CDH13: variants seen among roughly 807,000 people sequenced by gnomAD.
CDH13 encodes the protein cadherin-13.
Under a neutral mutation model 63.8 loss-of-function variants are expected in CDH13, and 24 were observed. The observed-to-expected ratio is 0.38, with a 90% CI of 0.27 to 0.53. CDH13 has a LOEUF of 0.53. CDH13 is among the 20% of genes least tolerant of loss of function. The probability of loss-of-function intolerance (pLI) is 0.85; values close to 1 mark genes in which losing one functional copy is unlikely to be tolerated. For missense variants in CDH13, 1,049 were observed against 903.1 expected (o/e 1.16, Z -2.07); for synonymous variants, 503 against 355.3 (o/e 1.42, Z -4.67).
intron 4 of CDH13, among the ~76,000 whole-genome samples, chr16:83,210,221 C>T (rs527705647): frequency 2.5e-4 from 38 of 152,066 alleles, no homozygotes; most frequent in Non-Finnish European, 4.3e-4. Context: ...CCTGCCACCA[C>T]GCCTAGCTAG....
intron 5 of CDH13, among the ~76,000 whole-genome samples, chr16:83,270,224 G>T (rs1238510437): frequency 6.6e-6 from 1 of 152,090 alleles, no homozygotes; most frequent in Admixed American, 6.5e-5. Context: ...AGTATAACAC[G>T]AGTGTTTGAT....
chr16:83,522,432 C>G (rs544411208), intron 7 of CDH13, among the ~76,000 whole-genome samples: 4 of 152,070 alleles, frequency 2.6e-5, no homozygotes, highest in Non-Finnish European at 5.9e-5. Context: ...AATATGCAAC[C>G]GTGGAGTTTC....
intron 1 of CDH13, among the ~76,000 whole-genome samples, chr16:82,652,506 A>G (rs3852732): frequency 0.56 from 85,532 of 152,104 alleles, 25,757 homozygotes; most frequent in African/African-American, 0.8. Flanking sequence ...AAGTTTGCTC[A>G]GTGATATGAT....
chr16:83,306,860 A>T (rs1289037936), intron 5 of CDH13, among the ~76,000 whole-genome samples: 2 of 152,212 alleles, frequency 1.3e-5, no homozygotes, highest in African/African-American at 2.4e-5. Context: ...GAAATTACCC[A>T]GTCTCAGGTA....
intron 8 of CDH13, among the ~76,000 whole-genome samples, chr16:83,605,700 G>T (rs1027801342): frequency 6.6e-6 from 1 of 152,172 alleles, no homozygotes; most frequent in Non-Finnish European, 1.5e-5. Context: ...TGAAGAAGAA[G>T]ATTGTGATGA....
At chr16:83,266,150 C>G (rs921682705) in intron 5 of CDH13, among the ~76,000 whole-genome samples, 3 of 152,034 alleles carry the variant, frequency 2.0e-5, no homozygotes, top group Non-Finnish European at 2.9e-5. Context: ...ATTGGCCAGG[C>G]TGGTCTCAAA....
intron 6 of CDH13, among the ~76,000 whole-genome samples, chr16:83,363,383 T>C (rs1318632379): frequency 6.6e-6 from 1 of 152,222 alleles, no homozygotes; most frequent in Middle Eastern, 3.2e-3. Flanking sequence ...TGCAAGTATG[T>C]GTGTATACAT....
At chr16:83,768,394 G>C (rs1914541588) in intron 11 of CDH13, among the ~76,000 whole-genome samples, 1 of 152,142 alleles carries the variant, frequency 6.6e-6, no homozygotes, top group African/African-American at 2.4e-5. Context: ...ATCGCAATAG[G>C]TTTGTTAACC....
At chr16:83,134,572 AGAGAGAGAGAGAGAGAGAGAGT>A (rs749693038) in intron 4 of CDH13, among the ~76,000 whole-genome samples, 2,877 of 127,226 alleles carry the variant, frequency 0.023, 204 homozygotes, top group African/African-American at 0.092. Context: ...AGAGAGAGAG[AGAGAGAGAGAGAGAGAGAGAGT>A]GAGTTACATG....
At chr16:83,404,994 C>T (rs1437119146) in intron 6 of CDH13, among the ~76,000 whole-genome samples, 1 of 151,736 alleles carries the variant, frequency 6.6e-6, no homozygotes, top group African/African-American at 2.4e-5. Context: ...ATCTCAGGAC[C>T]CAGATAACCA....
intron 1 of CDH13, among the ~76,000 whole-genome samples, chr16:82,787,079 A>G (rs951997730): frequency 3.3e-5 from 5 of 152,202 alleles, no homozygotes; most frequent in Non-Finnish European, 4.4e-5. Context: ...TAATTCACCT[A>G]TAAAATACTA....
In CDH13 at chr16:82,763,631, T is replaced by C. The variant is rs566917646; in HGVS notation, c.46-94731T>C. Among the ~76,000 whole-genome samples the C allele has an allele frequency of 2.2e-4, 33 of 152,368 alleles. No homozygotes were observed. In the South Asian group the frequency reaches 3.1e-3, roughly 14 times the overall value. On this transcript the variant is annotated intron_variant, in intron 1 of 13. Transcript: ENST00000567109. ...ACAACAGTGAATACATGAGTTGATA[T>C]CTGTCTTTTCAATAGATATATAATG...
At chr16:83,006,315 A>G (rs987085044) in intron 2 of CDH13, among the ~76,000 whole-genome samples, 11 of 152,240 alleles carry the variant, frequency 7.2e-5, no homozygotes, top group Admixed American at 5.2e-4. Flanking sequence ...CAGAGAGGAA[A>G]ACAATTTTGA....
chr16:82,893,672 A>G (rs1038958319), intron 2 of CDH13, among the ~76,000 whole-genome samples: 1 of 152,192 alleles, frequency 6.6e-6, no homozygotes, highest in Non-Finnish European at 1.5e-5. Flanking sequence ...TCAGGAAGCC[A>G]GAACCTGAAT....
At chr16:82,988,407 G>A (rs1209241002) in intron 2 of CDH13, among the ~76,000 whole-genome samples, 4 of 152,064 alleles carry the variant, frequency 2.6e-5, no homozygotes, top group Non-Finnish European at 4.4e-5. Flanking sequence ...TTGGAGGCTG[G>A]AGTTATAGAG....
intron 7 of CDH13, among the ~76,000 whole-genome samples, chr16:83,557,468 A>G (rs2075627180): frequency 6.6e-6 from 1 of 152,176 alleles, no homozygotes; most frequent in Non-Finnish European, 1.5e-5. Flanking sequence ...TGTTCTATGT[A>G]TATGATAGAA....
At chr16:82,681,081 A>G (rs1597307093) in intron 1 of CDH13, among the ~76,000 whole-genome samples, 2 of 152,224 alleles carry the variant, frequency 1.3e-5, no homozygotes, top group East Asian at 3.9e-4. Context: ...GGGCTTGCCC[A>G]GCACTATCAG....
At chr16:83,103,849 T>A (rs565949009) in intron 3 of CDH13, among the ~76,000 whole-genome samples, 5 of 152,184 alleles carry the variant, frequency 3.3e-5, no homozygotes, top group Non-Finnish European at 7.3e-5. Flanking sequence ...CTAGAACACA[T>A]TGATGTTTAA....
chr16:82,736,729 C>G (rs1043571021), intron 1 of CDH13, among the ~76,000 whole-genome samples: 4 of 152,204 alleles, frequency 2.6e-5, no homozygotes, highest in African/African-American at 9.7e-5. Flanking sequence ...CAGTCACTCT[C>G]TCCACCTTCT....
Sources: gnomAD v4.1 joint callset for allele counts (sites outside exome capture counted in the v4.1 genomes callset) on GRCh38, gnomAD v4.1.1 for gene constraint, MANE v1.5 for transcripts, NCBI Gene and HGNC (gene_info 2026-07-23, HGNC 2026-07-21) for gene names.